The following HDAC4 variants were observed in gnomAD, a reference collection of about 807,000 sequenced individuals.
The protein encoded by HDAC4 is histone deacetylase 4, also known as histone deacetylase A.
In HDAC4, 16 loss-of-function variants were observed where a neutral mutation model predicts 135.1. That is an observed-to-expected ratio of 0.12 (90% CI 0.08 to 0.18). HDAC4 has a LOEUF of 0.18. Ranked by LOEUF, HDAC4 falls within the 10% of genes least tolerant of loss-of-function variation. HDAC4 has a pLI of 1.00. For synonymous variants in HDAC4, 685 were observed against 653.4 expected (o/e 1.05, Z -0.74); for missense variants, 1,143 against 1,511.8 (o/e 0.76, Z 4.05).
At position 239,052,615 on chromosome 2, in the gene HDAC4, AAAT is replaced by A. The variant is rs2031034596; in HGVS notation, c.*479_*481del. On this transcript the variant is annotated 3_prime_UTR_variant, in exon 27 of 27. Transcript: ENST00000543185. The stretch of plus-strand genomic sequence containing the variant: ...CGTAGAAAACGTCCTCTTTAAAAAA[AAAT>A]AAGCTACAAGATGAGTCGAGTGGTT... 1 of 169,778 alleles carries A rather than the reference AAAT, an allele frequency of 5.9e-6. No homozygotes were observed. Among genetic ancestry groups the A allele is most frequent in the African/African-American group, 2.4e-5 (1 of 41,906 alleles). The allele number at this position is 169,778 out of a possible 1,614,324, so 10.5% of individuals were successfully genotyped here.
At chr2:239,296,330 C>T (rs528735302) in intron 2 of HDAC4, among the ~76,000 whole-genome samples, 1 of 152,388 alleles carries the variant, frequency 6.6e-6, no homozygotes, top group South Asian at 2.1e-4. Context: ...CAATACCCGC[C>T]TGGACCAGGG....
Position 239,390,346 on chromosome 2 carries a change from A to C in HDAC4, c.-220+10632T>G, listed in dbSNP as rs547609437. 2.6e-5 allele frequency among the ~76,000 whole-genome samples: 4 copies of C among 152,340 alleles called. No individual in the cohort carries two copies. In the South Asian group the frequency reaches 8.3e-4, roughly 32 times the overall value. On this transcript the variant is annotated intron_variant, in intron 1 of 26. Transcript: ENST00000543185. ...CAGGAGTTTGAGACCAGCCATGGAC[A>C]ACATGGCGAAACCTCATCTCTACAA...
In HDAC4 at chr2:239,102,848, A is replaced by T; in HGVS notation, c.2161T>A (p.Ser721Thr). ...CCATACAGGAGGGTGTGGGCTTCCG[A>T]GTGCACCGTCTGTAGCTCCTCCAGG... ...ATLEELQTVH[S>T]EAHTLLYGTN... Residue 721 changes from serine (S) to threonine (T), a missense_variant, in exon 16 of 27, where the codon TCG becomes ACG. Physicochemically the swap from Ser to Thr is moderately conservative, Grantham distance 58. Transcript: ENST00000543185. 2 of 1,613,908 alleles carry T rather than the reference A, an allele frequency of 1.2e-6. No individual in the cohort carries two copies. The highest frequency in any genetic ancestry group is 1.7e-6 in the Non-Finnish European group (2 of 1,179,990).
intron 2 of HDAC4, among the ~76,000 whole-genome samples, chr2:239,347,657 G>T (rs966241472): frequency 1.3e-5 from 2 of 152,140 alleles, no homozygotes; most frequent in East Asian, 3.9e-4. Flanking sequence ...TGGGACTACA[G>T]GCGCGTGCCA....
intron 3 of HDAC4, among the ~76,000 whole-genome samples, chr2:239,216,271 C>A (rs1031287186): frequency 3.3e-5 from 5 of 151,744 alleles, no homozygotes; most frequent in African/African-American, 1.2e-4. Flanking sequence ...GCGGAAGATT[C>A]CATTCAAGAA....
chr2:239,240,156 G>A lies in HDAC4; in HGVS notation c.23-3492C>T, dbSNP rs949599037. ...GGTGGCTGGTGGAACACAATCCTGGGGGTAAAGCAGTGGCGGTGAGTGCAC... is the reference window on the plus strand; with the variant it reads ...GGTGGCTGGTGGAACACAATCCTGGAGGTAAAGCAGTGGCGGTGAGTGCAC... On this transcript the variant is annotated intron_variant, in intron 2 of 26. Coordinates refer to ENST00000543185, the MANE Select transcript of HDAC4 (RefSeq NM_001378414.1). This position sits in a 1 kb window ranked among gnomAD's most constrained non-coding sequence, Gnocchi z 4.5. 2.0e-5 allele frequency among the ~76,000 whole-genome samples: 3 copies of A among 152,258 alleles called. No individual in the cohort carries two copies. Among genetic ancestry groups the A allele is most frequent in the Non-Finnish European group, 4.4e-5 (3 of 68,048 alleles).
rs2051084120 is a variant in HDAC4, at chr2:239,285,443, C to T, written c.23-48779G>A. Among the ~76,000 whole-genome samples the T allele has an allele frequency of 6.6e-6, 1 of 152,158 alleles. No individual in the cohort carries two copies. Among genetic ancestry groups the T allele is most frequent in the Non-Finnish European group, 1.5e-5 (1 of 68,018 alleles). Reference sequence around the variant, plus strand: ...AGGGGTTCCACCGAGGCTGGGGCTTCGCTAGTGTGCGGGGAGGCAGAGGAG... The same window carrying T: ...AGGGGTTCCACCGAGGCTGGGGCTTTGCTAGTGTGCGGGGAGGCAGAGGAG... On this transcript the variant is annotated intron_variant, in intron 2 of 26. Transcript: ENST00000543185. The surrounding 1 kb of genome is among the most constrained non-coding windows in gnomAD (Gnocchi z 4.5).
At chr2:239,345,738 A>C (rs368215131) in intron 2 of HDAC4, among the ~76,000 whole-genome samples, 12 of 148,918 alleles carry the variant, frequency 8.1e-5, no homozygotes, top group African/African-American at 3.1e-4. Context: ...ACACATACAC[A>C]CCGTCTAAAA....
rs559275310 is a variant in HDAC4 at position 239,249,297 on chromosome 2, C to T, written c.23-12633G>A. Among the ~76,000 whole-genome samples the T allele has an allele frequency of 2.8e-4, 42 of 152,258 alleles. No individual in the cohort carries two copies. The South Asian group carries it at 5.6e-3, about 20-fold the overall frequency. On this transcript the variant is annotated intron_variant, in intron 2 of 26. Transcript: ENST00000543185. ...TTCCATTCCGACTTCAGCCACCATG[C>T]GGAGTGTCGCCCAGGGCGGGGAGGG...
Position 239,187,512 on chromosome 2 carries a change from G to A in HDAC4, c.339+2321C>T, listed in dbSNP as rs555204259. ...TGCCTGCAGTGACTCCCCCGGACCC[G>A]CGCCTTCTGCCTGGCATGCACCTGT... On this transcript the variant is annotated intron_variant, in intron 4 of 26. Coordinates refer to ENST00000543185, the MANE Select transcript of HDAC4 (RefSeq NM_001378414.1). Among the ~76,000 whole-genome samples, 15 of 152,308 alleles carry A rather than the reference G, an allele frequency of 9.8e-5. No individual in the cohort carries two copies. In the East Asian group the frequency reaches 2.5e-3, roughly 26 times the overall value.
At chr2:239,077,305 C>G (rs1048427632) in intron 22 of HDAC4, among the ~76,000 whole-genome samples, 1 of 152,256 alleles carries the variant, frequency 6.6e-6, no homozygotes, top group South Asian at 2.1e-4. Flanking sequence ...CATAATGTCC[C>G]GTGCCAGGCT....
chr2:239,223,853 T>C (rs1390656926), intron 3 of HDAC4, among the ~76,000 whole-genome samples: 3 of 150,840 alleles, frequency 2.0e-5, no homozygotes, highest in Non-Finnish European at 3.0e-5. Flanking sequence ...GCAAACATTG[T>C]TTAAAAAAAA....
chr2:239,278,129 C>T (rs1047897849), intron 2 of HDAC4, among the ~76,000 whole-genome samples: 4 of 151,642 alleles, frequency 2.6e-5, no homozygotes, highest in Non-Finnish European at 4.4e-5. Flanking sequence ...TGAACAGGTG[C>T]TCACCATTGG....
chr2:239,282,668 A>G (rs559322689), intron 2 of HDAC4, among the ~76,000 whole-genome samples: 62 of 147,698 alleles, frequency 4.2e-4, no homozygotes, highest in Admixed American at 1.6e-3. Context: ...ACCCCACTCT[A>G]CAATGTACAC....
At chr2:239,281,042 C>G (rs1252712472) in intron 2 of HDAC4, among the ~76,000 whole-genome samples, 3 of 129,884 alleles carry the variant, frequency 2.3e-5, no homozygotes, top group Non-Finnish European at 5.0e-5. Flanking sequence ...GTACATACCA[C>G]TCTACAATGT....
chr2:239,065,619 G>A (rs1202089803), intron 24 of HDAC4, among the ~76,000 whole-genome samples: 3 of 152,142 alleles, frequency 2.0e-5, no homozygotes, highest in Non-Finnish European at 4.4e-5. Context: ...CAGGACTGCC[G>A]GGCTGGGGAG....
At chr2:239,142,422 G>C (rs113755545) in intron 8 of HDAC4, among the ~76,000 whole-genome samples, 4,131 of 152,274 alleles carry the variant, frequency 0.027, 168 homozygotes, top group African/African-American at 0.093. Flanking sequence ...CAGCTCCCTG[G>C]TACCAGTGCC....
chr2:239,180,030 G>A lies in HDAC4; in HGVS notation c.340-3467C>T, dbSNP rs115812251. On this transcript the variant is annotated intron_variant, in intron 4 of 26. Coordinates refer to ENST00000543185, the MANE Select transcript of HDAC4 (RefSeq NM_001378414.1). ...TTCTCTGTGGGCGCCAACCTTCAGC[G>A]GCGTTGGCAAGGTGACGGGGGCAGG... Among the ~76,000 whole-genome samples the A allele has an allele frequency of 4.9e-3, 741 of 152,086 alleles. 3 individuals are homozygous for A. Among genetic ancestry groups the A allele is most frequent in the Non-Finnish European group, 5.7e-3 (385 of 67,962 alleles).
intron 4 of HDAC4, among the ~76,000 whole-genome samples, chr2:239,180,138 C>T (rs778090235): frequency 6.6e-6 from 1 of 152,190 alleles, no homozygotes; most frequent in Non-Finnish European, 1.5e-5. Context: ...AAGCTTCACA[C>T]CCTTGCTGCC....
Sources: allele counts gnomAD v4.1 joint callset (sites outside exome capture counted in the v4.1 genomes callset), GRCh38; gene constraint gnomAD v4.1.1; non-coding constraint Gnocchi (gnomAD v3.1); transcripts MANE v1.5; gene names NCBI Gene and HGNC (gene_info 2026-07-23, HGNC 2026-07-21).